The following BRINP3 variants were observed in gnomAD, a reference collection of about 807,000 sequenced individuals.
BRINP3 encodes the protein BMP/retinoic acid-inducible neural-specific protein 3.
Under a neutral mutation model 71.0 loss-of-function variants are expected in BRINP3, and 19 were observed. That is an observed-to-expected ratio of 0.27 (90% CI 0.19 to 0.39). The LOEUF is 0.39. Ranked by LOEUF, BRINP3 falls within the 10% of genes least tolerant of loss-of-function variation. The pLI, the probability that BRINP3 is intolerant of heterozygous loss-of-function variation, is 1.00. For synonymous variants in BRINP3, 380 were observed against 337.7 expected, an observed-to-expected ratio of 1.13 and a Z score of -1.37; for missense variants, 959 against 940.8, an observed-to-expected ratio of 1.02 and a Z score of -0.25.
intron 2 of BRINP3, among the ~76,000 whole-genome samples, chr1:190,294,425 A>G (rs942001963): frequency 1.3e-4 from 19 of 151,580 alleles, no homozygotes; most frequent in African/African-American, 4.6e-4. Context: ...ATGCCTGACT[A>G]ATTTTTTGTA....
intron 2 of BRINP3, among the ~76,000 whole-genome samples, chr1:190,373,350 A>G (rs1357678451): frequency 6.6e-6 from 1 of 151,892 alleles, no homozygotes; most frequent in Admixed American, 6.6e-5. Context: ...AGATAGCGCC[A>G]TTTCACTCCA....
chr1:190,418,883 G>T (rs371490617), intron 2 of BRINP3, among the ~76,000 whole-genome samples: 1 of 152,002 alleles, frequency 6.6e-6, no homozygotes. Flanking sequence ...CCAAACTAAT[G>T]TACGATGGAT....
At chr1:190,392,505 T>C (rs2102311322) in intron 2 of BRINP3, among the ~76,000 whole-genome samples, 1 of 151,782 alleles carries the variant, frequency 6.6e-6, no homozygotes, top group South Asian at 2.1e-4. Flanking sequence ...AGTCTGCATC[T>C]CTTATATGAT....
chr1:190,296,748 T>C (rs563087761), intron 2 of BRINP3, among the ~76,000 whole-genome samples: 48 of 152,166 alleles, frequency 3.2e-4, no homozygotes, highest in Admixed American at 6.5e-4. Context: ...GTACCATTCC[T>C]ATACACTAAC....
intron 6 of BRINP3, among the ~76,000 whole-genome samples, chr1:190,185,096 T>C (rs1022910280): frequency 1.3e-5 from 2 of 151,980 alleles, no homozygotes; most frequent in African/African-American, 4.8e-5. Context: ...AACAACATAA[T>C]GAACATGTAG....
chr1:190,354,338 C>T (rs1009935160), intron 2 of BRINP3, among the ~76,000 whole-genome samples: 54 of 151,796 alleles, frequency 3.6e-4, no homozygotes, highest in African/African-American at 1.2e-3. Flanking sequence ...AAACAAACTA[C>T]GATGCACGGA....
At chr1:190,427,822 A>T (rs1321062377) in intron 2 of BRINP3, among the ~76,000 whole-genome samples, 1 of 150,976 alleles carries the variant, frequency 6.6e-6, no homozygotes, top group Non-Finnish European at 1.5e-5. Flanking sequence ...TGTTGTACCA[A>T]TTATTTTATC....
chr1:190,328,183 C>A (rs569069257), intron 2 of BRINP3, among the ~76,000 whole-genome samples: 2 of 152,000 alleles, frequency 1.3e-5, no homozygotes, highest in Admixed American at 6.6e-5. Flanking sequence ...CCAAAGCTAG[C>A]AAAAGAAAAG....
chr1:190,254,296 TC>T (rs1660442610), intron 4 of BRINP3, among the ~76,000 whole-genome samples: 1 of 140,448 alleles, frequency 7.1e-6, no homozygotes, highest in Non-Finnish European at 1.6e-5. Flanking sequence ...TTTTTTTTTT[TC>T]AACTCTGTGA....
At chr1:190,289,881 C>T (rs569105199) in intron 2 of BRINP3, among the ~76,000 whole-genome samples, 30 of 152,056 alleles carry the variant, frequency 2.0e-4, no homozygotes, top group African/African-American at 7.0e-4. Flanking sequence ...TGTGAACTTA[C>T]TTGTGTCACT....
chr1:190,212,139 C>A (rs1461596293), intron 6 of BRINP3, among the ~76,000 whole-genome samples: 1 of 152,038 alleles, frequency 6.6e-6, no homozygotes, highest in Non-Finnish European at 1.5e-5. Flanking sequence ...ACTACCAATT[C>A]CTTTAAAAGA....
chr1:190,103,753 T>C (rs1651900015), intron 7 of BRINP3, among the ~76,000 whole-genome samples: 1 of 152,022 alleles, frequency 6.6e-6, no homozygotes, highest in Non-Finnish European at 1.5e-5. Flanking sequence ...TGGGGCTCCG[T>C]GGCAACTATG....
intron 2 of BRINP3, among the ~76,000 whole-genome samples, chr1:190,335,193 G>T (rs1434441445): frequency 1.3e-5 from 2 of 151,772 alleles, no homozygotes; most frequent in South Asian, 2.1e-4. Context: ...TGACAAAATA[G>T]GCTGAAGTGA....
At chr1:190,369,323 TATGAG>T (rs1216515686) in intron 2 of BRINP3, among the ~76,000 whole-genome samples, 1 of 152,096 alleles carries the variant, frequency 6.6e-6, no homozygotes, top group Non-Finnish European at 1.5e-5. Context: ...CTTTGTCAAC[TATGAG>T]ATAATAGTTG....
chr1:190,255,720 T>TA (rs976638756), intron 4 of BRINP3, among the ~76,000 whole-genome samples: 13 of 151,082 alleles, frequency 8.6e-5, no homozygotes, highest in African/African-American at 1.7e-4. Flanking sequence ...GTCAGTCTTT[T>TA]AAAAAAACCA....
chr1:190,238,752 C>T (rs549979742), intron 4 of BRINP3, among the ~76,000 whole-genome samples: 4 of 152,180 alleles, frequency 2.6e-5, no homozygotes, highest in South Asian at 4.1e-4. Context: ...GACACAGGCA[C>T]ATTATATGAG....
At position 190,208,282 on chromosome 1, in the gene BRINP3, G is replaced by C. The variant is rs113623598; in HGVS notation, c.961+17800C>G. Among the ~76,000 whole-genome samples the C allele has an allele frequency of 1.9e-3, 293 of 151,952 alleles. 1 individual carries two copies. Among genetic ancestry groups the C allele is most frequent in the African/African-American group, 6.8e-3 (282 of 41,498 alleles). On this transcript the variant is annotated intron_variant, in intron 6 of 7. Transcript: ENST00000367462. ...CCTGTAATACATACTCTTATATCAT[G>C]TGTTTTTGTGCACTGCCTACATATA...
chr1:190,428,161 A>G (rs1165636958), intron 2 of BRINP3, among the ~76,000 whole-genome samples: 6 of 152,014 alleles, frequency 3.9e-5, no homozygotes, highest in Non-Finnish European at 7.4e-5. Context: ...GATATTGGCA[A>G]TAAAGAGGAA....
chr1:190,324,451 A>G (rs924341582), intron 2 of BRINP3, among the ~76,000 whole-genome samples: 21 of 151,946 alleles, frequency 1.4e-4, no homozygotes, highest in Non-Finnish European at 2.5e-4. Flanking sequence ...ATAATCAATA[A>G]TAAGTTACCT....
Sources: allele counts gnomAD v4.1 joint callset (sites outside exome capture counted in the v4.1 genomes callset), GRCh38; gene constraint gnomAD v4.1.1; transcripts MANE v1.5; gene names NCBI Gene and HGNC (gene_info 2026-07-23, HGNC 2026-07-21).